IL2RA: variants seen among roughly 807,000 people sequenced by gnomAD.
The protein encoded by IL2RA is interleukin 2 receptor subunit alpha.
A neutral mutation model predicts 37.8 loss-of-function variants in IL2RA; 24 were observed. That is an observed-to-expected ratio of 0.63 (90% confidence interval 0.46 to 0.89). The LOEUF is 0.89. IL2RA is among the 40% of genes least tolerant of loss of function. The pLI is 0.00. For missense variants in IL2RA, 319 were observed against 348.6 expected (o/e 0.92, Z 0.68); for synonymous variants, 125 against 114.6 (o/e 1.09, Z -0.58).
intron 1 of IL2RA, among the ~76,000 whole-genome samples, chr10:6,031,033 A>G (rs990763702): frequency 6.6e-6 from 1 of 152,128 alleles, no homozygotes. Flanking sequence ...AACTGAAGAG[A>G]GAAAAGGAAG....
rs771622922 is a variant in IL2RA at position 6,062,183 on chromosome 10, G to A, written c.-32C>T. The A allele has an allele frequency of 1.3e-6, 2 of 1,594,006 alleles. No individual in the cohort carries two copies. ...GACCCTTGGGACCAGCCGGGGCAGT[G>A]AAGCGGAGGTCTTTCTCTGCAGAAG... On this transcript the variant is annotated 5_prime_UTR_variant, in exon 1 of 8. Transcript: ENST00000379959.
rs1264672745 is a variant in IL2RA at position 6,024,130 on chromosome 10, A to G, written c.367+114T>C. On this transcript the variant is annotated intron_variant, in intron 3 of 7. Transcript: ENST00000379959. ...TGATGTCTTGGGAGGACGGAGCCACATGCATGTGTTTATAGAAGGCAGGGC... is the reference window on the plus strand; with the variant it reads ...TGATGTCTTGGGAGGACGGAGCCACGTGCATGTGTTTATAGAAGGCAGGGC... The G allele has an allele frequency of 1.9e-5, 14 of 745,686 alleles. No homozygotes were observed. In the East Asian group the frequency reaches 2.9e-4, roughly 15 times the overall value. The allele number at this position is 745,686 out of a possible 1,614,324, so 46.2% of individuals were successfully genotyped here.
In IL2RA at chr10:6,057,388, C is replaced by T. The variant is rs577444103; in HGVS notation, c.64+4700G>A. ...TACACAAAAGTCGCTCAACCCTGAC[C>T]GTGCCAGTATGTCTTCATTTGGGAA... On this transcript the variant is annotated intron_variant, in intron 1 of 7. Coordinates refer to ENST00000379959, the MANE Select transcript of IL2RA (RefSeq NM_000417.3). The surrounding 1 kb of genome is among the most constrained non-coding windows in gnomAD (Gnocchi z 4.8). 2.6e-5 allele frequency among the ~76,000 whole-genome samples: 4 copies of T among 152,296 alleles called. No individual in the cohort carries two copies. The highest frequency in any genetic ancestry group is 1.9e-4 in the East Asian group (1 of 5,180).
In IL2RA at chr10:6,011,263, C is replaced by G. The variant is rs1185271445; in HGVS notation, c.*1609G>C. On this transcript the variant is annotated 3_prime_UTR_variant, in exon 8 of 8. Transcript: ENST00000379959. This position sits in a 1 kb window ranked among gnomAD's most constrained non-coding sequence, Gnocchi z 5.2. ...GCACCAGATATGGAACCAGGACTTC[C>G]ACCGAAATCTTAGCTCTGGAAGTTG... 3 of 152,304 alleles carry G rather than the reference C, an allele frequency of 2.0e-5. No homozygotes were observed. The highest frequency in any genetic ancestry group is 4.4e-5 in the Non-Finnish European group (3 of 68,026). The allele number at this position is 152,304 out of a possible 1,614,324, so 9.4% of individuals were successfully genotyped here.
intron 1 of IL2RA, among the ~76,000 whole-genome samples, chr10:6,055,676 A>T (rs1443724734): frequency 3.1e-5 from 1 of 32,224 alleles, no homozygotes; most frequent in Non-Finnish European, 1.5e-4. Flanking sequence ...CATTCCACAA[A>T]GCCGCCATTG....
At chr10:6,040,293 TAG>T (rs1491326311) in intron 1 of IL2RA, among the ~76,000 whole-genome samples, 4 of 152,164 alleles carry the variant, frequency 2.6e-5, no homozygotes, top group Non-Finnish European at 5.9e-5. Flanking sequence ...AACGAGGAAA[TAG>T]AGTTTCTTTT....
Position 6,015,709 on chromosome 10 carries a change from C to T in IL2RA, c.794+2344G>A, listed in dbSNP as rs145880153. 1.1e-4 allele frequency among the ~76,000 whole-genome samples: 16 copies of T among 152,292 alleles called. No individual in the cohort carries two copies. In the South Asian group the frequency reaches 1.9e-3, roughly 18 times the overall value. ...CATATCCATCATCTCAAACATTTAT[C>T]GTTTCTTTATGTTCCTACAGATGAT... is the stretch of plus-strand genomic sequence containing the variant. On this transcript the variant is annotated intron_variant, in intron 7 of 7. Coordinates refer to ENST00000379959, the MANE Select transcript of IL2RA (RefSeq NM_000417.3). The surrounding 1 kb of genome is among the most constrained non-coding windows in gnomAD (Gnocchi z 4.9).
rs549550434 is a variant in IL2RA, at chr10:6,035,627, G to A, written c.65-9602C>T. ...GAGAATCCTGAACCACGGGCTCTGC[G>A]GTGATGTGGCCTTCCTCTTTAGTTT... On this transcript the variant is annotated intron_variant, in intron 1 of 7. Coordinates refer to ENST00000379959, the MANE Select transcript of IL2RA (RefSeq NM_000417.3). The surrounding 1 kb of genome is among the most constrained non-coding windows in gnomAD (Gnocchi z 5.4). Among the ~76,000 whole-genome samples the A allele has an allele frequency of 5.3e-5, 8 of 152,298 alleles. No homozygotes were observed. In the East Asian group the frequency reaches 1.2e-3, roughly 22 times the overall value.
Position 6,025,700 on chromosome 10 carries a change from A to G in IL2RA, c.256+134T>C, listed in dbSNP as rs900533341. 1.5e-5 allele frequency: 13 copies of G among 845,350 alleles called. No individual in the cohort carries two copies. In the African/African-American group the frequency reaches 2.2e-4, roughly 14 times the overall value. The allele number at this position is 845,350 out of a possible 1,614,324, so 52.4% of individuals were successfully genotyped here. The stretch of plus-strand genomic sequence containing the variant: ...GTGTTTAGTGAATGACTTTTCAGGA[A>G]CCACTAAAATTAGTTATCCTGTAGA... On this transcript the variant is annotated intron_variant, in intron 2 of 7. Coordinates refer to ENST00000379959, the MANE Select transcript of IL2RA (RefSeq NM_000417.3). This position sits in a 1 kb window ranked among gnomAD's most constrained non-coding sequence, Gnocchi z 4.4.
intron 2 of IL2RA, 76 bp from the exon 3 acceptor site, chr10:6,024,430 C>T: frequency 1.8e-6 from 2 of 1,090,270 alleles, no homozygotes; most frequent in South Asian, 1.3e-5. Context: ...TATTCATTCA[C>T]TTGAGAAGCA....
At position 6,018,024 on chromosome 10, in the gene IL2RA, A is replaced by T. The variant is rs774477890; in HGVS notation, c.794+29T>A. The T allele has an allele frequency of 3.1e-6, 5 of 1,604,016 alleles. No homozygotes were observed. The South Asian group carries it at 5.5e-5, about 18-fold the overall frequency. On this transcript the variant is annotated intron_variant, in intron 7 of 7. Transcript: ENST00000379959. This position sits in a 1 kb window ranked among gnomAD's most constrained non-coding sequence, Gnocchi z 5.1. Reference sequence around the variant, plus strand: ...CTGGGTACAGGACTTTGATCTGACCAAGGGCTGCCTTGGTGATGCCACACT... The same window carrying T: ...CTGGGTACAGGACTTTGATCTGACCTAGGGCTGCCTTGGTGATGCCACACT...
chr10:6,024,653 T>C (rs12722573), intron 2 of IL2RA, among the ~76,000 whole-genome samples: 4,397 of 152,314 alleles, frequency 0.029, 94 homozygotes, highest in South Asian at 0.12. Flanking sequence ...TCTGTGTATG[T>C]CATGTATGTT....
Position 6,038,510 on chromosome 10 carries a change from A to C in IL2RA, c.65-12485T>G, listed in dbSNP as rs559392784. Reference sequence around the variant, plus strand: ...TGTCATCCCCACTTTAGAAAGCAAGAGATTGAGGTTCAGAGAGATTAAGTA... The same window carrying C: ...TGTCATCCCCACTTTAGAAAGCAAGCGATTGAGGTTCAGAGAGATTAAGTA... On this transcript the variant is annotated intron_variant, in intron 1 of 7. Coordinates refer to ENST00000379959, the MANE Select transcript of IL2RA (RefSeq NM_000417.3). Among the ~76,000 whole-genome samples the C allele has an allele frequency of 4.6e-5, 7 of 152,346 alleles. No homozygotes were observed. In the East Asian group the frequency reaches 1.3e-3, roughly 29 times the overall value.
intron 1 of IL2RA, among the ~76,000 whole-genome samples, chr10:6,041,612 A>AAATCAATT (rs1395946157): frequency 3.3e-5 from 5 of 152,234 alleles, no homozygotes; most frequent in African/African-American, 1.2e-4. Context: ...CAATAAATAT[A>AAATCAATT]AATCAATTAA....
At chr10:6,032,790 T>G (rs530040246) in intron 1 of IL2RA, among the ~76,000 whole-genome samples, 1 of 151,668 alleles carries the variant, frequency 6.6e-6, no homozygotes, top group African/African-American at 2.4e-5. Context: ...GTCCAGAATA[T>G]ATAAAGAAAA....
chr10:6,016,729 C>T (rs370787956), intron 7 of IL2RA, among the ~76,000 whole-genome samples: 26 of 152,188 alleles, frequency 1.7e-4, no homozygotes, highest in African/African-American at 6.3e-4. Flanking sequence ...CCCACCACCA[C>T]GCCTGGCTTA....
intron 1 of IL2RA, among the ~76,000 whole-genome samples, chr10:6,034,100 T>A (rs1285488827): frequency 2.6e-5 from 4 of 152,208 alleles, no homozygotes; most frequent in African/African-American, 9.6e-5. Context: ...ACTCTTGAAT[T>A]CCATGAGAGT....
At chr10:6,052,684 G>GT (rs951706737) in intron 1 of IL2RA, among the ~76,000 whole-genome samples, 4 of 152,056 alleles carry the variant, frequency 2.6e-5, no homozygotes, top group African/African-American at 9.7e-5. Context: ...CCTAGCCTTT[G>GT]TTTTTTTATT....
At position 6,021,618 on chromosome 10, in the gene IL2RA, A is replaced by G; in HGVS notation, c.443T>C (p.Val148Ala). The G allele has an allele frequency of 6.2e-7, 1 of 1,613,772 alleles. No individual in the cohort carries two copies. The highest frequency in any genetic ancestry group is 1.1e-5 in the South Asian group (1 of 91,032). The change falls in exon 4 of 8, where the codon GTT becomes GCT. Residue 148 changes from valine (V) to alanine (A), a missense_variant. Transcript: ENST00000379959. The surrounding 1 kb of genome is among the most constrained non-coding windows in gnomAD (Gnocchi z 4.9). ...RIYHFVVGQM[V>A]YYQCVQGYRA... The stretch of plus-strand genomic sequence containing the variant: ...GTATCCCTGGACGCACTGATAATAA[A>G]CCATCTGCCCCACCACGAAATGATA...
Sources: gnomAD v4.1 joint callset for allele counts (sites outside exome capture counted in the v4.1 genomes callset) on GRCh38, gnomAD v4.1.1 for gene constraint, Gnocchi (gnomAD v3.1) non-coding constraint, MANE v1.5 for transcripts, NCBI Gene and HGNC (gene_info 2026-07-23, HGNC 2026-07-21) for gene names.